Variants in PACS2 observed in about 807,000 individuals in gnomAD.
The protein encoded by PACS2 is phosphofurin acidic cluster sorting protein 2, also known as PACS1-like protein.
In PACS2, 36 loss-of-function variants were observed where a neutral mutation model predicts 113.0. The observed-to-expected ratio is 0.32, with a 90% CI of 0.24 to 0.42. PACS2 has a LOEUF of 0.42. Ranked by LOEUF, PACS2 falls within the 10% of genes least tolerant of loss-of-function variation. The pLI is 1.00. For missense variants in PACS2, 1,015 were observed against 1,239.5 expected, an observed-to-expected ratio of 0.82 and a Z score of 2.72; for synonymous variants, 589 against 536.1, an observed-to-expected ratio of 1.10 and a Z score of -1.36.
At position 105,382,830 on chromosome 14, in the gene PACS2, G is replaced by T. The variant is rs1555412415; in HGVS notation, c.1542G>T (p.Arg514Ser). Residue 514 changes from arginine (R) to serine (S), a missense_variant, in exon 15 of 25, where the codon AGG becomes AGT. Arg to Ser is a moderately radical substitution (Grantham distance 110). Coordinates refer to ENST00000447393, the MANE Select transcript of PACS2 (RefSeq NM_001100913.3). ...QGQFLSDVLQ[R>S]HTLPVVCTCS... ...AGTTCCTCTCCGACGTCCTGCAGAGGCACACGCTCCCCGTGGTGTGCACGT... is the reference window on the plus strand; with the variant it reads ...AGTTCCTCTCCGACGTCCTGCAGAGTCACACGCTCCCCGTGGTGTGCACGT... The T allele has an allele frequency of 2.5e-6, 4 of 1,604,054 alleles. No individual in the cohort carries two copies. Among genetic ancestry groups the T allele is most frequent in the Non-Finnish European group, 2.5e-6 (3 of 1,177,096 alleles).
At chr14:105,334,150 G>A (rs948638037) in intron 1 of PACS2, among the ~76,000 whole-genome samples, 4 of 152,330 alleles carry the variant, frequency 2.6e-5, no homozygotes, top group South Asian at 2.1e-4. Flanking sequence ...AGTGGCCGCC[G>A]TCTGCTCAGC....
At chr14:105,326,922 G>A (rs1237783209) in intron 1 of PACS2, among the ~76,000 whole-genome samples, 1 of 152,194 alleles carries the variant, frequency 6.6e-6, no homozygotes, top group Non-Finnish European at 1.5e-5. Flanking sequence ...GCAGTTTCCA[G>A]CTTGGCCCTG....
At chr14:105,308,016 T>C (rs1348683113) in intron 1 of PACS2, among the ~76,000 whole-genome samples, 1 of 149,054 alleles carries the variant, frequency 6.7e-6, no homozygotes. Flanking sequence ...GATCCCTGTC[T>C]CTACAAAAAA....
rs1555411561 is a variant in PACS2 at position 105,380,123 on chromosome 14, C to T, written c.1094C>T (p.Pro365Leu). ...EKTRSLGGRQ[P>L]SDSVSDTVAL... ...ACGCGGTCCCTGGGAGGCAGGCAGC[C>T]GAGCGACAGTGTCTCTGACACGGTG... Residue 365 changes from proline (P) to leucine (L), a missense_variant, in exon 11 of 25, where the codon CCG (proline) becomes CTG (leucine). Transcript: ENST00000447393. 10 of 1,552,758 alleles carry T rather than the reference C, an allele frequency of 6.4e-6. No individual in the cohort carries two copies. The highest frequency in any genetic ancestry group is 4.1e-5 in the African/African-American group (3 of 73,180).
chr14:105,305,543 G>A (rs938546513), intron 1 of PACS2, among the ~76,000 whole-genome samples: 7 of 152,186 alleles, frequency 4.6e-5, no homozygotes, highest in African/African-American at 7.2e-5. Context: ...TGCCAGCACC[G>A]TCCTGTGAAA....
At chr14:105,368,737 C>G (rs968632513) in intron 7 of PACS2, among the ~76,000 whole-genome samples, 198 bp downstream of exon 7, 4 of 152,210 alleles carry the variant, frequency 2.6e-5, no homozygotes, top group Admixed American at 2.0e-4. Context: ...CATCTCCTGG[C>G]TTTAGCCTTG....
chr14:105,306,362 G>A (rs587671379), intron 1 of PACS2, among the ~76,000 whole-genome samples: 5 of 152,236 alleles, frequency 3.3e-5, no homozygotes, highest in African/African-American at 9.6e-5. Flanking sequence ...GGAGTGCAGC[G>A]GCGCCATCTC....
rs1555408194 is a variant in PACS2, at chr14:105,367,336, G to T, written c.547G>T (p.Asp183Tyr). Residue 183 changes from aspartate (D) to tyrosine (Y), a missense_variant, in exon 5 of 25, where the codon GAC becomes TAC. Asp to Tyr is a radical substitution (Grantham distance 160). Coordinates refer to ENST00000447393, the MANE Select transcript of PACS2 (RefSeq NM_001100913.3). ...SLSSQPIDHE[D>Y]STMQAGPKAK... ...GTCCAGCCAGCCCATTGACCACGAA[G>T]ACAGCACCATGCAGGCCGGCCCCAA... The T allele has an allele frequency of 6.2e-7, 1 of 1,613,456 alleles. No individual in the cohort carries two copies. Among genetic ancestry groups the T allele is most frequent in the Admixed American group, 1.7e-5 (1 of 60,034 alleles).
chr14:105,336,752 AG>A (rs1384230250), intron 1 of PACS2: 11 of 152,302 alleles, frequency 7.2e-5, no homozygotes, highest in African/African-American at 2.4e-4. Context: ...TCAGAGTGAA[AG>A]CCAGTCCCTG....
At chr14:105,370,151 G>A (rs1403003019) in intron 8 of PACS2, 1 of 446,776 alleles carries the variant, frequency 2.2e-6, no homozygotes, top group Non-Finnish European at 4.0e-6. Context: ...ATTTTCAGGG[G>A]GATGTAACCA....
rs2060353683 is a variant in PACS2, at chr14:105,354,477, A to G, written c.298-575A>G. On this transcript the variant is annotated intron_variant, in intron 3 of 24. Transcript: ENST00000447393. This position sits in a 1 kb window ranked among gnomAD's most constrained non-coding sequence, Gnocchi z 4.2. ...CACCACCGCAGTTAGGGTGGTGAAC[A>G]GCCCCATTTTCCCCTAAGTATTTAA... 6.6e-6 allele frequency among the ~76,000 whole-genome samples: 1 copy of G among 152,200 alleles called. No homozygotes were observed. The highest frequency in any genetic ancestry group is 1.5e-5 in the Non-Finnish European group (1 of 68,032).
intron 1 of PACS2, among the ~76,000 whole-genome samples, chr14:105,334,091 C>G (rs144936431): frequency 0.015 from 2,306 of 152,188 alleles, 60 homozygotes; most frequent in African/African-American, 0.05. Context: ...GATGCCCTGT[C>G]TGGTCTAGAG....
chr14:105,318,901 C>T (rs977063126), intron 1 of PACS2, among the ~76,000 whole-genome samples: 32 of 151,532 alleles, frequency 2.1e-4, no homozygotes, highest in Admixed American at 7.2e-4. Flanking sequence ...ACCTCGTGAT[C>T]CGCCCGCCTC....
intron 11 of PACS2, 85 bp downstream of exon 11, chr14:105,380,239 G>A: frequency 1.2e-5 from 14 of 1,168,486 alleles, no homozygotes; most frequent in Non-Finnish European, 1.7e-5. Flanking sequence ...GAGGGGCGGG[G>A]CCCACATATA....
At chr14:105,388,225 G>A (rs769539971) in intron 19 of PACS2, among the ~76,000 whole-genome samples, 51 of 152,178 alleles carry the variant, frequency 3.4e-4, no homozygotes, top group Non-Finnish European at 6.9e-4. Context: ...GCCAGGAGCC[G>A]TCCAGGTTGG....
intron 4 of PACS2, among the ~76,000 whole-genome samples, chr14:105,359,069 G>C (rs1321126083): frequency 1.3e-5 from 2 of 152,104 alleles, no homozygotes; most frequent in Non-Finnish European, 2.9e-5. Flanking sequence ...TCCAGGGCCT[G>C]GTCACACACA....
chr14:105,339,203 G>A (rs1429678660), intron 1 of PACS2, among the ~76,000 whole-genome samples: 1 of 152,172 alleles, frequency 6.6e-6, no homozygotes. Flanking sequence ...AGCGAGACCA[G>A]GTGCTTCAAA....
In PACS2 at chr14:105,358,059, G is replaced by A. The variant is rs2060523651; in HGVS notation, c.423+2882G>A. On this transcript the variant is annotated intron_variant, in intron 4 of 24. Coordinates refer to ENST00000447393, the MANE Select transcript of PACS2 (RefSeq NM_001100913.3). The surrounding 1 kb of genome is among the most constrained non-coding windows in gnomAD (Gnocchi z 4.9). ...AGGTGTCATCTCCCTTCAAATGGGT[G>A]CACACGCAGGGGGCAGGAGGGGCTG... is the stretch of plus-strand genomic sequence containing the variant. Among the ~76,000 whole-genome samples the A allele has an allele frequency of 6.6e-6, 1 of 152,192 alleles. No individual in the cohort carries two copies. The highest frequency in any genetic ancestry group is 1.5e-5 in the Non-Finnish European group (1 of 68,018).
chr14:105,381,638 C>T (rs1351573199), intron 12 of PACS2, among the ~76,000 whole-genome samples: 1 of 152,228 alleles, frequency 6.6e-6, no homozygotes, highest in African/African-American at 2.4e-5. Flanking sequence ...CTCACGGTGG[C>T]TCCAAGCCTC....
Sources: gnomAD v4.1 joint callset for allele counts (sites outside exome capture counted in the v4.1 genomes callset) on GRCh38, gnomAD v4.1.1 for gene constraint, Gnocchi (gnomAD v3.1) non-coding constraint, MANE v1.5 for transcripts, NCBI Gene and HGNC (gene_info 2026-07-23, HGNC 2026-07-21) for gene names.